DLC1: variants seen among roughly 807,000 people sequenced by gnomAD.
DLC1 encodes DLC1 Rho GTPase activating protein, also known as rho GTPase-activating protein 7.
Under a neutral mutation model 140.3 loss-of-function variants are expected in DLC1, and 54 were observed. The observed-to-expected ratio is 0.38, with a 90% confidence interval of 0.31 to 0.48. The LOEUF is 0.48. Ranked by LOEUF, DLC1 falls within the 20% of genes least tolerant of loss-of-function variation. The pLI is 0.96. For synonymous variants in DLC1, 986 were observed against 728.1 expected, an observed-to-expected ratio of 1.35 and a Z score of -5.70; for missense variants, 2,536 against 1,907.0, an observed-to-expected ratio of 1.33 and a Z score of -6.14.
chr8:13,499,645 C>T lies in DLC1; in HGVS notation c.427G>A (p.Gly143Arg). 6.2e-7 allele frequency: 1 copy of T among 1,614,148 alleles called. No individual in the cohort carries two copies. Among genetic ancestry groups the T allele is most frequent in the Non-Finnish European group, 8.5e-7 (1 of 1,180,024 alleles). The change falls in exon 2 of 18, where the codon GGA becomes AGA. Residue 143 changes from glycine to arginine, a missense_variant. Coordinates refer to ENST00000276297, the MANE Select transcript of DLC1 (RefSeq NM_182643.3). ...QKTSGQHMIQ[G>R]AGSLEKALPI... ...AGTGCCTTTTCTAAGGAGCCTGCTC[C>T]TTGGATCATATGTTGGCCTGATGTT...
chr8:13,382,893 G>A (rs550284940), intron 4 of DLC1, among the ~76,000 whole-genome samples: 1 of 152,208 alleles, frequency 6.6e-6, no homozygotes, highest in Non-Finnish European at 1.5e-5. Context: ...GGTAGAGAAA[G>A]ACATATCTTG....
intron 4 of DLC1, among the ~76,000 whole-genome samples, chr8:13,307,340 A>G (rs932880131): frequency 2.0e-5 from 3 of 152,144 alleles, no homozygotes. Context: ...GCATTCTTTC[A>G]TTTGTTAAGA....
At chr8:13,197,818 T>C (rs563109298) in intron 5 of DLC1, among the ~76,000 whole-genome samples, 1 of 152,280 alleles carries the variant, frequency 6.6e-6, no homozygotes, top group African/African-American at 2.4e-5. Flanking sequence ...ACTAGTCTGA[T>C]GAGACTTCAG....
At chr8:13,121,448 A>G (rs980091367) in intron 5 of DLC1, among the ~76,000 whole-genome samples, 9 of 152,194 alleles carry the variant, frequency 5.9e-5, no homozygotes, top group Admixed American at 2.0e-4. Flanking sequence ...GAGGGCGTTC[A>G]CTGGGAGAAG....
At chr8:13,448,641 G>A (rs1798907127) in intron 2 of DLC1, among the ~76,000 whole-genome samples, 3 of 152,188 alleles carry the variant, frequency 2.0e-5, no homozygotes, top group Admixed American at 6.5e-5. Context: ...TTACAGGCGT[G>A]AGCCACCGCA....
chr8:13,535,415 G>T (rs534722135), intron 1 of DLC1, among the ~76,000 whole-genome samples: 1 of 152,070 alleles, frequency 6.6e-6, no homozygotes, highest in Admixed American at 6.6e-5. Flanking sequence ...ATTAACACAC[G>T]TTAGGTACAA....
intron 5 of DLC1, among the ~76,000 whole-genome samples, chr8:13,138,305 C>T (rs893645309): frequency 3.9e-5 from 6 of 152,096 alleles, no homozygotes; most frequent in African/African-American, 1.4e-4. Context: ...AAGATTTTTT[C>T]CAGAACCCCT....
chr8:13,149,025 C>G (rs1225363925), intron 5 of DLC1, among the ~76,000 whole-genome samples: 1 of 152,170 alleles, frequency 6.6e-6, no homozygotes, highest in Non-Finnish European at 1.5e-5. Flanking sequence ...ATCTCCTGAC[C>G]TCGTGATCTG....
Position 13,467,819 on chromosome 8 carries a change from A to G in DLC1, c.1023+31230T>C, listed in dbSNP as rs1158426119. Among the ~76,000 whole-genome samples, 3 of 152,062 alleles carry G rather than the reference A, an allele frequency of 2.0e-5. No homozygotes were observed. The East Asian group carries it at 5.8e-4, about 29-fold the overall frequency. On this transcript the variant is annotated intron_variant, in intron 2 of 17. Transcript: ENST00000276297. ...TGATCATAAATTTTTTTCTCCTTTC[A>G]TCTGTTAATAAGTATTATACAAATT...
intron 1 of DLC1, among the ~76,000 whole-genome samples, chr8:13,539,674 C>T (rs1029756466): frequency 1.3e-5 from 2 of 151,888 alleles, no homozygotes; most frequent in African/African-American, 4.8e-5. Context: ...AAGATTATAA[C>T]CTGTGCAGGT....
At chr8:13,566,970 G>C (rs1391810115) in intron 1 of DLC1, 2 of 1,524,002 alleles carry the variant, frequency 1.3e-6, no homozygotes, top group South Asian at 2.5e-5. Flanking sequence ...AGGAGATGAG[G>C]AGCCGAGCCT....
chr8:13,133,310 GC>G lies in DLC1; in HGVS notation c.1349-17654del. ...GAACTGTCTCCCGCGCGCTCCGCCA[GC>G]CGGGCCCTCCCGCTGGGCCCACCCC... is the stretch of plus-strand genomic sequence containing the variant. On this transcript the variant is annotated intron_variant, in intron 5 of 17. Transcript: ENST00000276297. 7 of 1,211,650 alleles carry G rather than the reference GC, an allele frequency of 5.8e-6. No individual in the cohort carries two copies. The South Asian group carries it at 1.5e-4, about 26-fold the overall frequency. 75.1% of individuals were successfully genotyped at this position (1,211,650 alleles called of 1,614,324 possible). A position where few individuals can be genotyped will look rare whatever the true frequency, so the allele number is the denominator to read the frequency against.
At chr8:13,122,333 G>A (rs544905196) in intron 5 of DLC1, among the ~76,000 whole-genome samples, 1 of 152,222 alleles carries the variant, frequency 6.6e-6, no homozygotes, top group South Asian at 2.1e-4. Flanking sequence ...TTGGAGTTCT[G>A]AGGACGTACC....
At chr8:13,239,541 T>C (rs1829453196) in intron 5 of DLC1, among the ~76,000 whole-genome samples, 1 of 152,154 alleles carries the variant, frequency 6.6e-6, no homozygotes, top group Non-Finnish European at 1.5e-5. Context: ...ATCAGCTTTT[T>C]TCACTGTGTA....
At chr8:13,552,687 A>C (rs1190686307) in intron 1 of DLC1, among the ~76,000 whole-genome samples, 2 of 151,754 alleles carry the variant, frequency 1.3e-5, no homozygotes, top group Non-Finnish European at 3.0e-5. Flanking sequence ...AAGCAACAAC[A>C]AAATTACTAC....
intron 2 of DLC1, among the ~76,000 whole-genome samples, chr8:13,402,159 T>A (rs1837328551): frequency 6.6e-6 from 1 of 152,240 alleles, no homozygotes; most frequent in Non-Finnish European, 1.5e-5. Context: ...GATATATCCT[T>A]ACTAAAATCT....
intron 2 of DLC1, among the ~76,000 whole-genome samples, chr8:13,439,228 G>T (rs1334580366): frequency 6.6e-6 from 1 of 152,150 alleles, no homozygotes; most frequent in Non-Finnish European, 1.5e-5. Flanking sequence ...GTAGGCTGAA[G>T]CAGGAGAATC....
At chr8:13,420,600 C>G (rs369582008) in intron 2 of DLC1, among the ~76,000 whole-genome samples, 2 of 151,974 alleles carry the variant, frequency 1.3e-5, no homozygotes, top group African/African-American at 4.8e-5. Context: ...GTGATGTTCC[C>G]CTCCTTGTGT....
intron 5 of DLC1, among the ~76,000 whole-genome samples, chr8:13,150,677 C>G (rs1823739957): frequency 6.6e-6 from 1 of 152,224 alleles, no homozygotes; most frequent in Admixed American, 6.5e-5. Flanking sequence ...TCTTCATAAA[C>G]ACTTTCCCCC....
Sources: gnomAD v4.1 joint callset for allele counts (sites outside exome capture counted in the v4.1 genomes callset) on GRCh38, gnomAD v4.1.1 for gene constraint, MANE v1.5 for transcripts, NCBI Gene and HGNC (gene_info 2026-07-23, HGNC 2026-07-21) for gene names.